Variants in BAK1 observed in about 807,000 individuals in gnomAD.
BAK1 encodes the protein bcl-2 homologous antagonist/killer.
In BAK1, 19 loss-of-function variants were observed where a neutral mutation model predicts 24.7. That is an observed-to-expected ratio of 0.77 (90% CI 0.54 to 1.13). The LOEUF is 1.13. BAK1 is among the 50% of genes most tolerant of loss of function. BAK1 has a pLI of 0.00. For synonymous variants in BAK1, 86 were observed against 107.3 expected (o/e 0.80, Z 1.23); for missense variants, 194 against 279.4 (o/e 0.69, Z 2.18).
chr6:33,575,465 G>A lies in BAK1; in HGVS notation c.207-24C>T, dbSNP rs1326792547. Reference sequence around the variant, plus strand: ...TGCTGTAGGAGCAGGAGGCATGCAGGTGAGCCAGTAACCAGGCAGTCGGGA... The same window carrying A: ...TGCTGTAGGAGCAGGAGGCATGCAGATGAGCCAGTAACCAGGCAGTCGGGA... On this transcript the variant is annotated intron_variant, in intron 3 of 5. Transcript: ENST00000374467. The surrounding 1 kb of genome is among the most constrained non-coding windows in gnomAD (Gnocchi z 6.3). The A allele has an allele frequency of 2.5e-6, 4 of 1,612,578 alleles. No homozygotes were observed. In the African/African-American group the frequency reaches 5.3e-5, roughly 22 times the overall value.
At chr6:33,576,854 A>G (rs893001107) in intron 2 of BAK1, among the ~76,000 whole-genome samples, 5 of 152,182 alleles carry the variant, frequency 3.3e-5, no homozygotes, top group African/African-American at 1.2e-4. Context: ...GTGCAAGGTC[A>G]TACAGCCAGA....
rs1762799199 is a variant in BAK1, at chr6:33,573,779, G to A, written c.*24C>T. The A allele has an allele frequency of 2.5e-6, 4 of 1,601,554 alleles. No homozygotes were observed. In the East Asian group the frequency reaches 8.9e-5, roughly 36 times the overall value. ...AAGTCCAGGCAGGGGTCTGAACCGGGACCCCAAAGGGCACCCTTGGGAGTC... is the reference window on the plus strand; with the variant it reads ...AAGTCCAGGCAGGGGTCTGAACCGGAACCCCAAAGGGCACCCTTGGGAGTC... On this transcript the variant is annotated 3_prime_UTR_variant, in exon 6 of 6. Coordinates refer to ENST00000374467, the MANE Select transcript of BAK1 (RefSeq NM_001188.4).
At position 33,575,814 on chromosome 6, in the gene BAK1, G is replaced by A; in HGVS notation, c.185C>T (p.Thr62Ile). 1 of 1,613,260 alleles carries A rather than the reference G, an allele frequency of 6.2e-7. No homozygotes were observed. ...TCACCTGCTAGGTTGCAGAGGTAAG[G>A]TGACCATCTCTGGGTCGGCAGGGGC... ...VAAPADPEMVTLPLQPSSTMG... is the reference protein window; with the variant it reads ...VAAPADPEMVILPLQPSSTMG... Residue 62 changes from threonine to isoleucine, a missense_variant, in exon 3 of 6, where the codon ACC becomes ATC. By Grantham distance (89) the Thr-to-Ile change is moderately conservative (BLOSUM62 -1). Transcript: ENST00000374467. The surrounding 1 kb of genome is among the most constrained non-coding windows in gnomAD (Gnocchi z 6.3).
chr6:33,579,409 C>A (rs147899980), intron 1 of BAK1, among the ~76,000 whole-genome samples: 1 of 152,128 alleles, frequency 6.6e-6, no homozygotes, highest in Admixed American at 6.5e-5. Context: ...ATAAGATGGC[C>A]TTCCTTCTTC....
chr6:33,577,646 G>T lies in BAK1; in HGVS notation c.-31-11C>A. On this transcript the variant is annotated splice_polypyrimidine_tract_variant and intron_variant, in intron 1 of 5. Transcript: ENST00000374467. This position sits in a 1 kb window ranked among gnomAD's most constrained non-coding sequence, Gnocchi z 4.6. ...GAGGACGGGATCAGCCTGCGGGGAA[G>T]GGCGAGAAAAAGCAGAGATGGGGGT... is the stretch of plus-strand genomic sequence containing the variant. 1 of 1,515,700 alleles carries T rather than the reference G, an allele frequency of 6.6e-7. No individual in the cohort carries two copies. Among genetic ancestry groups the T allele is most frequent in the African/African-American group, 1.4e-5 (1 of 72,380 alleles). The allele number at this position is 1,515,700 out of a possible 1,614,324, so 93.9% of individuals were successfully genotyped here. A position where few individuals can be genotyped will look rare whatever the true frequency, so the allele number is the denominator to read the frequency against.
Position 33,575,324 on chromosome 6 carries a change from A to G in BAK1, c.324T>C (p.Tyr108=), listed in dbSNP as rs1359090023. 6.8e-6 allele frequency: 11 copies of G among 1,614,200 alleles called. No homozygotes were observed. The highest frequency in any genetic ancestry group is 9.3e-6 in the Non-Finnish European group (11 of 1,180,038). Residue 108 remains tyrosine, a synonymous_variant, in exon 4 of 6, where the codon TAT becomes TAC. Coordinates refer to ENST00000374467, the MANE Select transcript of BAK1 (RefSeq NM_001188.4). The surrounding 1 kb of genome is among the most constrained non-coding windows in gnomAD (Gnocchi z 6.3). ...QHLQPTAENA[Y]EYFTKIATSL... ...TGGTGGCAATCTTGGTGAAGTACTCATAGGCATTCTCTGCCGTGGGCTGCA... is the reference window on the plus strand; with the variant it reads ...TGGTGGCAATCTTGGTGAAGTACTCGTAGGCATTCTCTGCCGTGGGCTGCA...
At position 33,578,388 on chromosome 6, in the gene BAK1, C is replaced by G. The variant is rs1294761753; in HGVS notation, c.-31-753G>C. Among the ~76,000 whole-genome samples, 1 of 152,138 alleles carries G rather than the reference C, an allele frequency of 6.6e-6. No individual in the cohort carries two copies. Among genetic ancestry groups the G allele is most frequent in the African/African-American group, 2.4e-5 (1 of 41,414 alleles). On this transcript the variant is annotated intron_variant, in intron 1 of 5. Coordinates refer to ENST00000374467, the MANE Select transcript of BAK1 (RefSeq NM_001188.4). The surrounding 1 kb of genome is among the most constrained non-coding windows in gnomAD (Gnocchi z 4.8). ...AGTGAGGCACAAAGAGTTGAGTGCC[C>G]GAGGTCACATCGTTAGTCACGGAAA...
At position 33,577,278 on chromosome 6, in the gene BAK1, C is replaced by T. The variant is rs916089275; in HGVS notation, c.70+257G>A. Among the ~76,000 whole-genome samples the T allele has an allele frequency of 2.0e-5, 3 of 152,192 alleles. No homozygotes were observed. The highest frequency in any genetic ancestry group is 7.2e-5 in the African/African-American group (3 of 41,448). Reference sequence around the variant, plus strand: ...CCCTCGCCCGTGACCCAGCCCTCTGCCCCGGTGGCACTGTGCCTACCTTAC... The same window carrying T: ...CCCTCGCCCGTGACCCAGCCCTCTGTCCCGGTGGCACTGTGCCTACCTTAC... On this transcript the variant is annotated intron_variant, in intron 2 of 5. Coordinates refer to ENST00000374467, the MANE Select transcript of BAK1 (RefSeq NM_001188.4). The surrounding 1 kb of genome is among the most constrained non-coding windows in gnomAD (Gnocchi z 4.6).
rs138928031 is a variant in BAK1 at position 33,578,321 on chromosome 6, C to T, written c.-31-686G>A. ...TGAACACTGGAAACTCACATGAACC[C>T]AGCAGGGTGAGCGCCATCATACCCA... On this transcript the variant is annotated intron_variant, in intron 1 of 5. Transcript: ENST00000374467. The surrounding 1 kb of genome is among the most constrained non-coding windows in gnomAD (Gnocchi z 4.8). 2.9e-3 allele frequency among the ~76,000 whole-genome samples: 449 copies of T among 152,284 alleles called. 3 individuals are homozygous for T. Among genetic ancestry groups the T allele is most frequent in the African/African-American group, 0.01 (423 of 41,550 alleles).
At position 33,575,592 on chromosome 6, in the gene BAK1, GGCT is replaced by G. The variant is rs1762830697; in HGVS notation, c.207-154_207-152del. The G allele has an allele frequency of 1.6e-5, 21 of 1,287,484 alleles. No homozygotes were observed. Among genetic ancestry groups the G allele is most frequent in the Non-Finnish European group, 2.0e-5 (19 of 932,710 alleles). 79.8% of individuals were successfully genotyped at this position (1,287,484 alleles called of 1,614,324 possible). On this transcript the variant is annotated intron_variant, in intron 3 of 5. Coordinates refer to ENST00000374467, the MANE Select transcript of BAK1 (RefSeq NM_001188.4). The surrounding 1 kb of genome is among the most constrained non-coding windows in gnomAD (Gnocchi z 6.3). ...ACAGTGTTCTAAGACATGAGTGCTG[GGCT>G]CCAGGAGAAGGGGCAGGCATGGGCT...
At chr6:33,574,863 G>T (rs920145868) in intron 4 of BAK1, among the ~76,000 whole-genome samples, 4 of 152,138 alleles carry the variant, frequency 2.6e-5, no homozygotes, top group Non-Finnish European at 4.4e-5. Flanking sequence ...CCAAATATTC[G>T]GTGTCTTTAA....
intron 4 of BAK1, among the ~76,000 whole-genome samples, chr6:33,574,852 C>T (rs1405819317): frequency 6.6e-6 from 1 of 152,176 alleles, no homozygotes; most frequent in Non-Finnish European, 1.5e-5. Context: ...TGGATTTGCA[C>T]CCAAATATTC....
rs7341238 is a variant in BAK1, at chr6:33,573,776, C to A, written c.*27G>T. 63 of 1,598,780 alleles carry A rather than the reference C, an allele frequency of 3.9e-5. No individual in the cohort carries two copies. In the Middle Eastern group the frequency reaches 1.5e-3, roughly 38 times the overall value. On this transcript the variant is annotated 3_prime_UTR_variant, in exon 6 of 6. Transcript: ENST00000374467. ...CTTAAGTCCAGGCAGGGGTCTGAAC[C>A]GGGACCCCAAAGGGCACCCTTGGGA...
intron 2 of BAK1, among the ~76,000 whole-genome samples, chr6:33,576,808 G>A (rs998738612): frequency 1.3e-5 from 2 of 152,288 alleles, no homozygotes; most frequent in Admixed American, 6.5e-5. Context: ...TCCCCAGCTG[G>A]CAGGGGGAAA....
chr6:33,579,428 C>T (rs1047277177), intron 1 of BAK1, among the ~76,000 whole-genome samples: 1 of 152,224 alleles, frequency 6.6e-6, no homozygotes, highest in Non-Finnish European at 1.5e-5. Context: ...TCCCCAGTCT[C>T]CAGGACCCGG....
chr6:33,578,419 GTTGT>G lies in BAK1; in HGVS notation c.-31-788_-31-785del, dbSNP rs1762881682. Among the ~76,000 whole-genome samples the G allele has an allele frequency of 6.6e-6, 1 of 152,170 alleles. No homozygotes were observed. Among genetic ancestry groups the G allele is most frequent in the Non-Finnish European group, 1.5e-5 (1 of 68,032 alleles). ...CACATCGTTAGTCACGGAAAGTCAG[GTTGT>G]TTGTCTGAATCTCCGTGAGTCCATG... On this transcript the variant is annotated intron_variant, in intron 1 of 5. Coordinates refer to ENST00000374467, the MANE Select transcript of BAK1 (RefSeq NM_001188.4). This position sits in a 1 kb window ranked among gnomAD's most constrained non-coding sequence, Gnocchi z 4.8.
In BAK1 at chr6:33,575,563, C is replaced by T; in HGVS notation, c.207-122G>A. On this transcript the variant is annotated intron_variant, in intron 3 of 5. Transcript: ENST00000374467. This position sits in a 1 kb window ranked among gnomAD's most constrained non-coding sequence, Gnocchi z 6.3. ...CCCTGTGCATCCCTTCTTGGAGGTCCCTGACAGTGTTCTAAGACATGAGTG... is the reference window on the plus strand; with the variant it reads ...CCCTGTGCATCCCTTCTTGGAGGTCTCTGACAGTGTTCTAAGACATGAGTG... The T allele has an allele frequency of 7.1e-7, 1 of 1,403,924 alleles. No individual in the cohort carries two copies. Among genetic ancestry groups the T allele is most frequent in the Non-Finnish European group, 9.8e-7 (1 of 1,017,812 alleles). 87.0% of individuals were successfully genotyped at this position (1,403,924 alleles called of 1,614,324 possible).
At position 33,573,820 on chromosome 6, in the gene BAK1, T is replaced by C; in HGVS notation, c.619A>G (p.Arg207Gly). The C allele has an allele frequency of 6.2e-7, 1 of 1,614,050 alleles. No homozygotes were observed. The change falls in exon 6 of 6, where the codon AGA (arginine) becomes GGA (glycine). Residue 207 changes from arginine to glycine, a missense_variant. By Grantham distance (125) the Arg-to-Gly change is moderately radical. Coordinates refer to ENST00000374467, the MANE Select transcript of BAK1 (RefSeq NM_001188.4). ...VVLLGQFVVR[R>G]FFKS The stretch of plus-strand genomic sequence containing the variant: ...CTTGGGAGTCATGATTTGAAGAATC[T>C]TCGTACCACAAACTGGCCCAACAGA...
chr6:33,576,871 C>T (rs1428294985), intron 2 of BAK1, among the ~76,000 whole-genome samples: 1 of 152,096 alleles, frequency 6.6e-6, no homozygotes, highest in Non-Finnish European at 1.5e-5. Context: ...CAGAACAAGC[C>T]GGGGAACCGG....
Sources: gnomAD v4.1 joint callset for allele counts (sites outside exome capture counted in the v4.1 genomes callset) on GRCh38, gnomAD v4.1.1 for gene constraint, Gnocchi (gnomAD v3.1) non-coding constraint, MANE v1.5 for transcripts, NCBI Gene and HGNC (gene_info 2026-07-23, HGNC 2026-07-21) for gene names.